C10orf88: variants seen among roughly 807,000 people sequenced by gnomAD.
C10orf88 encodes ATPase PAAT.
Under a neutral mutation model 34.2 loss-of-function variants are expected in C10orf88, and 29 were observed. The ratio of observed to expected loss-of-function variants is 0.85; its 90% CI spans 0.63 to 1.16. C10orf88 has a LOEUF of 1.16. Among genes scored for constraint, C10orf88 ranks in the 50% most tolerant of loss-of-function variants. The probability of loss-of-function intolerance (pLI) is 0.00; values close to 1 mark genes in which losing one functional copy is unlikely to be tolerated. For missense variants in C10orf88, 507 were observed against 533.2 expected (o/e 0.95, Z 0.48); for synonymous variants, 194 against 197.4 (o/e 0.98, Z 0.15).
At position 122,931,173 on chromosome 10, in the gene C10orf88, C is replaced by G. The variant is rs1297411461; in HGVS notation, c.*1254G>C. ...ATGGCGATTGTCAACTGTCATGGAG[C>G]TAGCAGGAGCGTTATTTAGCACAGA... On this transcript the variant is annotated 3_prime_UTR_variant, in exon 6 of 6. Coordinates refer to ENST00000481909, the MANE Select transcript of C10orf88 (RefSeq NM_024942.4). 6.6e-6 allele frequency: 1 copy of G among 152,052 alleles called. No homozygotes were observed. The highest frequency in any genetic ancestry group is 1.5e-5 in the Non-Finnish European group (1 of 68,010). The allele number at this position is 152,052 out of a possible 1,614,324, so 9.4% of individuals were successfully genotyped here.
intron 5 of C10orf88, among the ~76,000 whole-genome samples, chr10:122,934,631 A>G (rs2133327579): frequency 6.6e-6 from 1 of 152,268 alleles, no homozygotes; most frequent in East Asian, 1.9e-4. Context: ...ATAACTGTGT[A>G]CAAGTTTCTG....
At chr10:122,953,168 T>C (rs941190727) in intron 1 of C10orf88, 136 bp from the exon 2 acceptor site, 16 of 696,608 alleles carry the variant, frequency 2.3e-5, no homozygotes, top group East Asian at 8.2e-5. Context: ...CGCTCCGCCT[T>C]CCGGGTTCAC....
At chr10:122,946,927 C>T (rs561788273) in intron 4 of C10orf88, among the ~76,000 whole-genome samples, 102 of 152,058 alleles carry the variant, frequency 6.7e-4, no homozygotes, top group African/African-American at 2.3e-3. Flanking sequence ...CCCAAGGAAA[C>T]ATGGCAGGAG....
chr10:122,933,865 C>T (rs1848508613), intron 5 of C10orf88, among the ~76,000 whole-genome samples: 1 of 152,052 alleles, frequency 6.6e-6, no homozygotes, highest in African/African-American at 2.4e-5. Flanking sequence ...TAATACTATT[C>T]TCAATAAAAT....
Position 122,954,076 on chromosome 10 carries a change from G to A in C10orf88, c.103C>T (p.Arg35Trp), listed in dbSNP as rs1423220578. 7.0e-6 allele frequency: 11 copies of A among 1,562,642 alleles called. No homozygotes were observed. The highest frequency in any genetic ancestry group is 1.4e-5 in the African/African-American group (1 of 73,002). ...AAGTCACCGGGGCCGAGACCGGCCC[G>A]GGTGAGGAGGAGGCTGTGGGTCAGG... is the stretch of plus-strand genomic sequence containing the variant. ...GALTHSLLLT[R>W]AGLGPGDFDW... The change falls in exon 1 of 6, where the codon CGG becomes TGG. Residue 35 changes from arginine to tryptophan, a missense_variant. By Grantham distance (101) the Arg-to-Trp change is moderately radical (BLOSUM62 -3). Transcript: ENST00000481909.
intron 4 of C10orf88, among the ~76,000 whole-genome samples, chr10:122,940,977 G>GA (rs1453450267): frequency 2.0e-5 from 3 of 151,898 alleles, no homozygotes; most frequent in African/African-American, 4.8e-5. Context: ...AGAGATTTCT[G>GA]AAAAAATAAT....
chr10:122,948,620 T>C lies in C10orf88; in HGVS notation c.648+29A>G, dbSNP rs543306461. On this transcript the variant is annotated intron_variant, in intron 4 of 5. Transcript: ENST00000481909. ...GCAATGGTTTTGAAATCATTAATGT[T>C]ATCTGGAAAGAAATCCATTTCTACT... 126 of 1,597,314 alleles carry C rather than the reference T, an allele frequency of 7.9e-5. No homozygotes were observed. The South Asian group carries it at 1.2e-3, about 15-fold the overall frequency.
At chr10:122,936,189 T>G (rs959667399) in intron 5 of C10orf88, among the ~76,000 whole-genome samples, 1 of 151,858 alleles carries the variant, frequency 6.6e-6, no homozygotes, top group African/African-American at 2.4e-5. Context: ...TGGTTGGTAG[T>G]TTGTGGTTTT....
intron 1 of C10orf88, among the ~76,000 whole-genome samples, chr10:122,953,418 T>G (rs1300003251): frequency 6.6e-6 from 1 of 151,986 alleles, no homozygotes; most frequent in African/African-American, 2.4e-5. Context: ...GCCCTTGAGG[T>G]CCAAGCACCT....
intron 4 of C10orf88, among the ~76,000 whole-genome samples, chr10:122,945,643 A>G (rs142421432): frequency 3.1e-4 from 47 of 152,298 alleles, no homozygotes; most frequent in Admixed American, 1.5e-3. Context: ...AAAAAAGTTT[A>G]AAACTTAAAA....
At chr10:122,944,525 T>C (rs887803934) in intron 4 of C10orf88, among the ~76,000 whole-genome samples, 46 of 152,024 alleles carry the variant, frequency 3.0e-4, no homozygotes, top group African/African-American at 1.1e-3. Context: ...TAAAGTATAA[T>C]AATAATTAAA....
chr10:122,938,265 A>G, intron 4 of C10orf88, 106 bp from the exon 5 acceptor site: 1 of 951,626 alleles, frequency 1.1e-6, no homozygotes, highest in Non-Finnish European at 1.6e-6. Flanking sequence ...CCAATCCTCA[A>G]AACATCCTTA....
rs112767820 is a variant in C10orf88 at position 122,941,934 on chromosome 10, C to T, written c.649-3775G>A. On this transcript the variant is annotated intron_variant, in intron 4 of 5. Coordinates refer to ENST00000481909, the MANE Select transcript of C10orf88 (RefSeq NM_024942.4). Reference sequence around the variant, plus strand: ...CATAAAAAAACTCTACAAGGATACACGCCAAACTGTTAGCTGTGTATCCTC... The same window carrying T: ...CATAAAAAAACTCTACAAGGATACATGCCAAACTGTTAGCTGTGTATCCTC... Among the ~76,000 whole-genome samples, 27 of 152,152 alleles carry T rather than the reference C, an allele frequency of 1.8e-4. No homozygotes were observed. The South Asian group carries it at 3.3e-3, about 19-fold the overall frequency.
chr10:122,945,232 C>G (rs966048387), intron 4 of C10orf88, among the ~76,000 whole-genome samples: 2 of 152,066 alleles, frequency 1.3e-5, no homozygotes, highest in Non-Finnish European at 2.9e-5. Flanking sequence ...ACACATTACT[C>G]ACATGTTTGT....
intron 4 of C10orf88, 63 bp downstream of exon 4, chr10:122,948,586 T>G (rs578041412): frequency 6.7e-7 from 1 of 1,494,288 alleles, no homozygotes; most frequent in African/African-American, 1.4e-5. Flanking sequence ...CTACATTTCT[T>G]TACTAAAAGC....
intron 4 of C10orf88, among the ~76,000 whole-genome samples, chr10:122,943,042 C>G (rs1037957607): frequency 3.3e-5 from 5 of 151,818 alleles, no homozygotes; most frequent in Admixed American, 2.6e-4. Flanking sequence ...TCATATGGAA[C>G]CAAAAAAGAG....
intron 4 of C10orf88, among the ~76,000 whole-genome samples, chr10:122,945,924 C>G (rs1434147551): frequency 6.6e-6 from 1 of 151,916 alleles, no homozygotes; most frequent in African/African-American, 2.4e-5. Flanking sequence ...TGGTGAAACA[C>G]CGTATCTACT....
At chr10:122,945,060 A>G (rs1170804873) in intron 4 of C10orf88, among the ~76,000 whole-genome samples, 1 of 150,546 alleles carries the variant, frequency 6.6e-6, no homozygotes, top group Non-Finnish European at 1.5e-5. Flanking sequence ...ATGTATATAG[A>G]TATATGCATG....
chr10:122,938,088 T>C lies in C10orf88; in HGVS notation c.720A>G (p.Leu240=), dbSNP rs1013484491. 3 of 1,613,040 alleles carry C rather than the reference T, an allele frequency of 1.9e-6. No homozygotes were observed. The highest frequency in any genetic ancestry group is 2.5e-6 in the Non-Finnish European group (3 of 1,179,294). Residue 240 remains leucine, a synonymous_variant, in exon 5 of 6, where the codon CTA becomes CTG. Transcript: ENST00000481909. Reference sequence around the variant, plus strand: ...AGGTTCCTAAGGTAGATGAGGATTGTAGTCCAATCATATGCTTGTATCCAG... The same window carrying C: ...AGGTTCCTAAGGTAGATGAGGATTGCAGTCCAATCATATGCTTGTATCCAG... ...GNSGYKHMIG[L]QSSSTLGTLN...
Sources: gnomAD v4.1 joint callset for allele counts (sites outside exome capture counted in the v4.1 genomes callset) on GRCh38, gnomAD v4.1.1 for gene constraint, MANE v1.5 for transcripts, NCBI Gene and HGNC (gene_info 2026-07-23, HGNC 2026-07-21) for gene names.